Variants in SLC5A11 observed in about 807,000 individuals in gnomAD.
SLC5A11 encodes solute carrier family 5 member 11, also known as sodium/myo-inositol cotransporter 2.
In SLC5A11, 48 loss-of-function variants were observed where a neutral mutation model predicts 69.8. The ratio of observed to expected loss-of-function variants is 0.69; its 90% CI spans 0.55 to 0.87. The LOEUF is 0.87. Among genes scored for constraint, SLC5A11 ranks in the 40% least tolerant of loss-of-function variants. The pLI, the probability that SLC5A11 is intolerant of heterozygous loss-of-function variation, is 0.00. For synonymous variants in SLC5A11, 319 were observed against 342.4 expected (o/e 0.93, Z 0.75); for missense variants, 784 against 866.1 (o/e 0.91, Z 1.19).
chr16:24,864,651 G>A (rs1299263039), intron 3 of SLC5A11, among the ~76,000 whole-genome samples: 1 of 152,136 alleles, frequency 6.6e-6, no homozygotes, highest in Non-Finnish European at 1.5e-5. Flanking sequence ...AATAGAAAGT[G>A]TCCCTGAAGA....
chr16:24,866,873 A>G (rs904366012), intron 3 of SLC5A11, among the ~76,000 whole-genome samples: 7 of 152,176 alleles, frequency 4.6e-5, no homozygotes, highest in African/African-American at 1.7e-4. Context: ...CAGACTCCCA[A>G]TATATATGAA....
intron 1 of SLC5A11, among the ~76,000 whole-genome samples, chr16:24,849,585 AAAAAAAAAATATAT>A (rs1441573040): frequency 5.8e-5 from 5 of 86,938 alleles, no homozygotes; most frequent in African/African-American, 7.8e-5. Flanking sequence ...AAAAAAAAAA[AAAAAAAAAATATAT>A]ATATATATAT....
rs892593413 is a variant in SLC5A11 at position 24,864,251 on chromosome 16, C to G, written c.207+1579C>G. ...CTTGCCTCTGGCTGACCTTGGGGCT[C>G]TGCACAAGCAGGAAGTGAAGGCTAA... On this transcript the variant is annotated intron_variant, in intron 3 of 15. Coordinates refer to ENST00000347898, the Ensembl canonical transcript of SLC5A11. Among the ~76,000 whole-genome samples the G allele has an allele frequency of 2.6e-5, 4 of 152,214 alleles. No individual in the cohort carries two copies. In the East Asian group the frequency reaches 7.7e-4, roughly 29 times the overall value.
intron 3 of SLC5A11, among the ~76,000 whole-genome samples, chr16:24,869,307 A>G (rs530940784): frequency 5.3e-5 from 8 of 152,198 alleles, no homozygotes; most frequent in African/African-American, 1.7e-4. Context: ...CTCCAGTCCA[A>G]GGGACCCGCA....
In SLC5A11 at chr16:24,907,852, C is replaced by A. The variant is rs540992369; in HGVS notation, c.1266-111C>A. The stretch of plus-strand genomic sequence containing the variant: ...AGTGAGCTATGCTCTCACCACTGCA[C>A]CCCGGCCTTGGCAACAGAACAAGAC... On this transcript the variant is annotated intron_variant, in intron 12 of 15. Transcript: ENST00000347898. 29 of 1,432,578 alleles carry A rather than the reference C, an allele frequency of 2.0e-5. No homozygotes were observed. The South Asian group carries it at 2.4e-4, about 12-fold the overall frequency. The allele number at this position is 1,432,578 out of a possible 1,614,324, so 88.7% of individuals were successfully genotyped here. A position where few individuals can be genotyped will look rare whatever the true frequency, so the allele number is the denominator to read the frequency against.
intron 10 of SLC5A11, among the ~76,000 whole-genome samples, chr16:24,904,835 A>G (rs1253086965): frequency 1.3e-5 from 2 of 152,126 alleles, no homozygotes; most frequent in Admixed American, 6.6e-5. Context: ...GCTTTGTTAC[A>G]TAGGTATACA....
At chr16:24,893,116 C>CAA (rs58331547) in intron 9 of SLC5A11, among the ~76,000 whole-genome samples, 164 of 99,078 alleles carry the variant, frequency 1.7e-3, no homozygotes, top group African/African-American at 3.0e-3. Flanking sequence ...ACTAAAAATA[C>CAA]AAAAAAAAAA....
exon 16 of SLC5A11, chr16:24,911,533 G>A: frequency 6.2e-7 from 1 of 1,614,158 alleles, no homozygotes; most frequent in Middle Eastern, 1.6e-4. Flanking sequence ...ATTTTGCTTA[G>A]TGTGGGGTGA....
At position 24,884,009 on chromosome 16, in the gene SLC5A11, C is replaced by T. The variant is rs374026482; in HGVS notation, c.584-42C>T. ...TTGGTGACCCAGAGTAACCCCTTCT[C>T]GTTAGACTCCCTGACCCTCACCTCC... On this transcript the variant is annotated intron_variant, in intron 7 of 15. Transcript: ENST00000347898. 4 of 1,592,194 alleles carry T rather than the reference C, an allele frequency of 2.5e-6. No individual in the cohort carries two copies. In the African/African-American group the frequency reaches 4.0e-5, roughly 16 times the overall value.
At chr16:24,908,120 A>G (rs781624879) in exon 13 of SLC5A11, 25 of 1,592,860 alleles carry the variant, frequency 1.6e-5, no homozygotes, top group Non-Finnish European at 1.3e-5. Flanking sequence ...CTGGAAGAGG[A>G]CCAATGAAAA....
At position 24,911,374 on chromosome 16, in the gene SLC5A11, G is replaced by A. The variant is rs1175334389; in HGVS notation, c.1869G>A (p.Trp623Ter). 3.1e-6 allele frequency: 5 copies of A among 1,613,936 alleles called. No homozygotes were observed. Among genetic ancestry groups the A allele is most frequent in the Non-Finnish European group, 4.2e-6 (5 of 1,180,026 alleles). ...CCAAAGTGGTGAAGGCCATCCTGTGGCTCTGTGGAATACAGGAGAAGGGCA... is the reference window on the plus strand; with the variant it reads ...CCAAAGTGGTGAAGGCCATCCTGTGACTCTGTGGAATACAGGAGAAGGGCA... The change falls in exon 16 of 16, where the codon TGG (tryptophan) becomes TGA (stop). Residue 623 changes from tryptophan (W) to a stop codon, truncating the protein, a stop_gained. Coordinates refer to ENST00000347898, the Ensembl canonical transcript of SLC5A11. LOFTEE classifies it low-confidence loss of function (END_TRUNC).
rs137935724 is a variant in SLC5A11 at position 24,871,324 on chromosome 16, G to A, written c.313-836G>A. Among the ~76,000 whole-genome samples, 392 of 152,260 alleles carry A rather than the reference G, an allele frequency of 2.6e-3. 4 individuals carry two copies. Among genetic ancestry groups the A allele is most frequent in the African/African-American group, 9.1e-3 (378 of 41,542 alleles). ...CTCGCTCTGTCGCCCAAGCTGGAGTGCAGTGGTGTGGTCATGGCTCACTGC... is the reference window on the plus strand; with the variant it reads ...CTCGCTCTGTCGCCCAAGCTGGAGTACAGTGGTGTGGTCATGGCTCACTGC... On this transcript the variant is annotated intron_variant, in intron 4 of 15. Transcript: ENST00000347898.
chr16:24,909,001 A>G (rs1007421485), exon 14 of SLC5A11: 1 of 1,614,110 alleles, frequency 6.2e-7, no homozygotes, highest in Non-Finnish European at 8.5e-7. Flanking sequence ...GGTGAAGAGC[A>G]TTCACTACCT....
intron 9 of SLC5A11, among the ~76,000 whole-genome samples, chr16:24,892,645 A>C (rs988254302): frequency 3.9e-5 from 6 of 152,148 alleles, no homozygotes; most frequent in Non-Finnish European, 8.8e-5. Flanking sequence ...TCACGTGTTC[A>C]AATATTATTT....
At chr16:24,888,199 A>ATT (rs1177901019) in intron 8 of SLC5A11, among the ~76,000 whole-genome samples, 52 of 152,264 alleles carry the variant, frequency 3.4e-4, no homozygotes, top group South Asian at 1.2e-3. Flanking sequence ...TATACACCCC[A>ATT]AAAATTAAAC....
intron 3 of SLC5A11, among the ~76,000 whole-genome samples, chr16:24,868,745 G>A (rs2047080333): frequency 6.6e-6 from 1 of 152,038 alleles, no homozygotes; most frequent in South Asian, 2.1e-4. Flanking sequence ...AAGTCAATAA[G>A]GAGGTAAAAT....
chr16:24,874,033 G>A (rs1053867990), intron 5 of SLC5A11, among the ~76,000 whole-genome samples: 4 of 151,982 alleles, frequency 2.6e-5, no homozygotes, highest in Non-Finnish European at 4.4e-5. Context: ...CCCCATGTTG[G>A]CCAGGCTGTT....
intron 3 of SLC5A11, among the ~76,000 whole-genome samples, chr16:24,863,651 C>CAA (rs34129044): frequency 1.1e-4 from 16 of 142,676 alleles, no homozygotes; most frequent in South Asian, 4.4e-4. Context: ...AGAAGTGAAG[C>CAA]AAAAAAAAAA....
At chr16:24,909,843 A>AG (rs2050376187) in intron 14 of SLC5A11, among the ~76,000 whole-genome samples, 2 of 151,044 alleles carry the variant, frequency 1.3e-5, no homozygotes, top group African/African-American at 4.9e-5. Context: ...AAAAAAAAAA[A>AG]AAAAAAAAAG....
Sources: allele counts gnomAD v4.1 joint callset (sites outside exome capture counted in the v4.1 genomes callset), GRCh38; gene constraint gnomAD v4.1.1; transcripts MANE v1.5; gene names NCBI Gene and HGNC (gene_info 2026-07-23, HGNC 2026-07-21).